MEG3: variants seen among roughly 807,000 people sequenced by gnomAD.
The protein encoded by MEG3 is Very putative protein from MEG3 locus.
At chr14:100,835,358 G>C (rs1192639625) in exon 1 of MEG3, 2 of 154,484 alleles carry the variant, frequency 1.3e-5, no homozygotes, top group East Asian at 3.8e-4. Flanking sequence ...CCTCCCCCGG[G>C]GCTTGGTCCA....
chr14:100,836,049 C>A, intron 1 of MEG3: 1 of 366,824 alleles, frequency 2.7e-6, no homozygotes. Context: ...CAGTAGTCAC[C>A]CCACTCCACC....
In MEG3 at chr14:100,837,035, C is replaced by T. The variant is rs565778215; in HGVS notation, n.3045+735C>T. On this transcript the variant is annotated intron_variant and non_coding_transcript_variant, in intron 2 of 3. Coordinates refer to the MEG3 transcript ENST00000398461. This position sits in a 1 kb window ranked among gnomAD's most constrained non-coding sequence, Gnocchi z 5.8. ...ATGCAGCCGGGAGCCGTCCAGGGCTCGGGCCTGGGGTTGTTCTGGGGCGCC... is the reference window on the plus strand; with the variant it reads ...ATGCAGCCGGGAGCCGTCCAGGGCTTGGGCCTGGGGTTGTTCTGGGGCGCC... Among the ~76,000 whole-genome samples the T allele has an allele frequency of 7.9e-5, 12 of 152,308 alleles. No homozygotes were observed. Among genetic ancestry groups the T allele is most frequent in the South Asian group, 2.1e-4 (1 of 4,822 alleles).
chr14:100,827,228 G>A (rs1248739691), intron 1 of MEG3, among the ~76,000 whole-genome samples: 1 of 152,048 alleles, frequency 6.6e-6, no homozygotes, highest in Non-Finnish European at 1.5e-5. Flanking sequence ...TCCCACCCTG[G>A]GCCGGCGGGC....
chr14:100,842,347 G>A (rs902581484), intron 2 of MEG3, among the ~76,000 whole-genome samples: 8 of 152,178 alleles, frequency 5.3e-5, no homozygotes, highest in Admixed American at 1.3e-4. Flanking sequence ...AGGAAGAGGC[G>A]TATGTAAACA....
At chr14:100,841,379 G>A (rs2037753948) in intron 2 of MEG3, among the ~76,000 whole-genome samples, 1 of 152,252 alleles carries the variant, frequency 6.6e-6, no homozygotes, top group Non-Finnish European at 1.5e-5. Flanking sequence ...TACGAAATGG[G>A]CGAGTGCAGG....
exon 1 of MEG3, chr14:100,835,122 C>G (rs988444310): frequency 3.1e-6 from 1 of 324,852 alleles, no homozygotes; most frequent in African/African-American, 2.2e-5. Flanking sequence ...AGGGCAGATT[C>G]AAGCTATCCC....
intron 2 of MEG3, among the ~76,000 whole-genome samples, chr14:100,844,015 A>T (rs567853088): frequency 6.6e-6 from 1 of 151,900 alleles, no homozygotes; most frequent in African/African-American, 2.4e-5. Context: ...AGTTTTTAGT[A>T]GAGACGGGGT....
At position 100,840,270 on chromosome 14, in the gene MEG3, C is replaced by T. The variant is rs995729916; in HGVS notation, n.3045+3970C>T. ...AGAAAGGAAGGCTGCCCACCACCTTCGGCTTGCCTCGACTCTGAGCAGTGA... is the reference window on the plus strand; with the variant it reads ...AGAAAGGAAGGCTGCCCACCACCTTTGGCTTGCCTCGACTCTGAGCAGTGA... On this transcript the variant is annotated intron_variant and non_coding_transcript_variant, in intron 2 of 3. Coordinates refer to the MEG3 transcript ENST00000398461. Among the ~76,000 whole-genome samples the T allele has an allele frequency of 1.1e-4, 16 of 152,174 alleles. 1 individual carries two copies. The highest frequency in any genetic ancestry group is 1.3e-4 in the Non-Finnish European group (9 of 68,028).
chr14:100,840,857 G>T (rs1331757594), intron 2 of MEG3, among the ~76,000 whole-genome samples: 2 of 152,220 alleles, frequency 1.3e-5, no homozygotes, highest in Non-Finnish European at 2.9e-5. Context: ...GGACAGTCGG[G>T]GGCCAAAGGC....
At chr14:100,847,094 G>C (rs2037940413) in intron 3 of MEG3, 1 of 151,430 alleles carries the variant, frequency 6.6e-6, no homozygotes, top group Non-Finnish European at 1.5e-5. Flanking sequence ...TCAGACTATT[G>C]TAAGCTAAGC....
In MEG3 at chr14:100,837,862, G is replaced by T. The variant is rs2037636229; in HGVS notation, n.3045+1562G>T. ...AGAGGCGCTCTAACCTGGGGCTGTT[G>T]CCTTTGTCTGCTTGTTTCTGCTCTC... On this transcript the variant is annotated intron_variant and non_coding_transcript_variant, in intron 2 of 3. Transcript: ENST00000398461. The surrounding 1 kb of genome is among the most constrained non-coding windows in gnomAD (Gnocchi z 5.8). Among the ~76,000 whole-genome samples, 1 of 152,046 alleles carries T rather than the reference G, an allele frequency of 6.6e-6. No homozygotes were observed.
chr14:100,845,716 TC>T lies in MEG3; in HGVS notation n.3121+184del, dbSNP rs977902508. The T allele has an allele frequency of 8.5e-6, 2 of 236,204 alleles. No individual in the cohort carries two copies. Among genetic ancestry groups the T allele is most frequent in the African/African-American group, 4.7e-5 (2 of 42,990 alleles). The allele number at this position is 236,204 out of a possible 1,614,324, so 14.6% of individuals were successfully genotyped here. On this transcript the variant is annotated intron_variant and non_coding_transcript_variant, in intron 3 of 3. Coordinates refer to the MEG3 transcript ENST00000398461. The surrounding 1 kb of genome is among the most constrained non-coding windows in gnomAD (Gnocchi z 5.2). ...AGTGCAGACCTGGGGGCTCCTGTTT[TC>T]TAAGACAGGAGCCCCCTGCCTCCTT...
At chr14:100,833,965 ACT>A (rs1299089552), downstream of MEG3, 1 of 152,134 alleles carries the variant, frequency 6.6e-6, no homozygotes, top group East Asian at 1.9e-4. Flanking sequence ...AGCAAAACCA[ACT>A]CTACCCCAGC....
chr14:100,841,867 AC>A (rs571056081), intron 2 of MEG3, among the ~76,000 whole-genome samples: 3 of 151,940 alleles, frequency 2.0e-5, no homozygotes, highest in African/African-American at 4.8e-5. Flanking sequence ...CGTTCCCCCA[AC>A]CCCCGTGGCT....
In MEG3 at chr14:100,836,090, CGA is replaced by C. The variant is rs148749450; in HGVS notation, n.2912-75_2912-74del. On this transcript the variant is annotated intron_variant and non_coding_transcript_variant, in intron 1 of 3. Transcript: ENST00000398461. Reference sequence around the variant, plus strand: ...GTAAACTGCAGGTGAGGCCGTGCCCCGAGTCTTTCTTCGGTGTGTTTGGCTTT... The same window carrying C: ...GTAAACTGCAGGTGAGGCCGTGCCCCGTCTTTCTTCGGTGTGTTTGGCTTT... 149 of 396,930 alleles carry C rather than the reference CGA, an allele frequency of 3.8e-4. 1 individual carries two copies. The East Asian group carries it at 9.9e-3, about 26-fold the overall frequency. The allele number at this position is 396,930 out of a possible 1,614,324, so 24.6% of individuals were successfully genotyped here.
upstream of MEG3, chr14:100,857,058 T>C (rs918999184): frequency 2.0e-5 from 3 of 152,194 alleles, no homozygotes; most frequent in Non-Finnish European, 4.4e-5. Context: ...CTAATGAAAT[T>C]GTAACCAATG....
chr14:100,826,838 CT>C (rs1404159301), intron 1 of MEG3, among the ~76,000 whole-genome samples: 1 of 152,174 alleles, frequency 6.6e-6, no homozygotes, highest in Non-Finnish European at 1.5e-5. Flanking sequence ...CCGATATCAT[CT>C]GGTTCTGCCC....
chr14:100,858,270 G>C (rs1218965976), exon 1 of MEG3: 1 of 152,830 alleles, frequency 6.5e-6, no homozygotes, highest in African/African-American at 2.4e-5. Context: ...GAAGGAGGCT[G>C]TGCCCTCCAG....
chr14:100,829,549 C>T (rs1198411095), downstream of MEG3: 1 of 152,186 alleles, frequency 6.6e-6, no homozygotes, highest in African/African-American at 2.4e-5. Context: ...ATGAGAGCAA[C>T]CTCCTAGGGT....
Sources: allele counts gnomAD v4.1 joint callset (sites outside exome capture counted in the v4.1 genomes callset), GRCh38; gene constraint gnomAD v4.1.1; non-coding constraint Gnocchi (gnomAD v3.1); transcripts MANE v1.5; gene names NCBI Gene and HGNC (gene_info 2026-07-23, HGNC 2026-07-21).